Variants in HSD17B6 observed in about 807,000 individuals in gnomAD.
HSD17B6 encodes 17-beta-hydroxysteroid dehydrogenase type 6.
Under a neutral mutation model 26.4 loss-of-function variants are expected in HSD17B6, and 16 were observed. That is an observed-to-expected ratio of 0.61 (90% CI 0.41 to 0.92). The LOEUF is 0.92. HSD17B6 is among the 40% of genes least tolerant of loss of function. The pLI is 0.00. For synonymous variants in HSD17B6, 139 were observed against 153.0 expected, an observed-to-expected ratio of 0.91 and a Z score of 0.68; for missense variants, 357 against 386.1, an observed-to-expected ratio of 0.92 and a Z score of 0.63.
chr12:56,783,266 G>T (rs1412482835), intron 3 of HSD17B6, among the ~76,000 whole-genome samples: 1 of 150,700 alleles, frequency 6.6e-6, no homozygotes, highest in Non-Finnish European at 1.5e-5. Flanking sequence ...CGGGCGGGGG[G>T]CTGACCCCCC....
chr12:56,776,938 C>G (rs1954606602), intron 2 of HSD17B6, among the ~76,000 whole-genome samples: 1 of 152,172 alleles, frequency 6.6e-6, no homozygotes, highest in Non-Finnish European at 1.5e-5. Flanking sequence ...TGAATAAATT[C>G]TCTTTTTAAG....
intron 3 of HSD17B6, 78 bp from the exon 4 acceptor site, chr12:56,784,775 T>G: frequency 7.1e-7 from 1 of 1,405,314 alleles, no homozygotes; most frequent in East Asian, 2.3e-5. Context: ...TTTATAATCT[T>G]TTTTGTTTTG....
At chr12:56,782,376 A>G (rs1954740088) in intron 3 of HSD17B6, 144 bp downstream of exon 3, 1 of 878,124 alleles carries the variant, frequency 1.1e-6, no homozygotes, top group Non-Finnish European at 1.7e-6. Flanking sequence ...TATAGCTAAC[A>G]GGCTCAAATT....
intron 3 of HSD17B6, among the ~76,000 whole-genome samples, chr12:56,784,369 C>A (rs975000536): frequency 1.3e-5 from 2 of 152,210 alleles, no homozygotes; most frequent in East Asian, 1.9e-4. Context: ...CACGCCACTG[C>A]ACTCCAGCCT....
intron 1 of HSD17B6, among the ~76,000 whole-genome samples, chr12:56,765,830 A>G (rs1340181527): frequency 1.3e-5 from 2 of 152,078 alleles, no homozygotes; most frequent in Non-Finnish European, 2.9e-5. Context: ...CTATCCACAA[A>G]ATCAGGGTTG....
intron 2 of HSD17B6, among the ~76,000 whole-genome samples, chr12:56,779,320 TG>T (rs1320376719): frequency 6.6e-6 from 1 of 152,070 alleles, no homozygotes; most frequent in South Asian, 2.1e-4. Context: ...AAAAAAGTTT[TG>T]TAGAGTGGGT....
At chr12:56,781,379 CCTGT>C (rs770497038) in intron 2 of HSD17B6, among the ~76,000 whole-genome samples, 62 of 152,236 alleles carry the variant, frequency 4.1e-4, no homozygotes, top group Middle Eastern at 3.4e-3. Context: ...TACTATTAAA[CCTGT>C]CTAACAAATT....
chr12:56,787,325 C>T lies in HSD17B6; in HGVS notation c.937C>T (p.Pro313Ser). Residue 313 changes from proline (P) to serine (S), a missense_variant, in exon 5 of 5, where the codon CCA becomes TCA. By Grantham distance (74) the Pro-to-Ser change is moderately conservative. Transcript: ENST00000322165. ...DYILTRSWPK[P>S]AQAV ...CATTTTGACTAGATCTTGGCCCAAA[C>T]CAGCCCAGGCAGTCTAAAGAAAACT... 2 of 1,613,186 alleles carry T rather than the reference C, an allele frequency of 1.2e-6. No homozygotes were observed. Among genetic ancestry groups the T allele is most frequent in the East Asian group, 4.5e-5 (2 of 44,886 alleles).
chr12:56,783,089 C>T (rs1290053320), intron 3 of HSD17B6, among the ~76,000 whole-genome samples: 6 of 152,376 alleles, frequency 3.9e-5, no homozygotes, highest in African/African-American at 1.2e-4. Context: ...CTTTTCCCCA[C>T]CTTGCCCCCT....
chr12:56,767,567 A>G (rs1304742864), intron 1 of HSD17B6, among the ~76,000 whole-genome samples: 4 of 146,340 alleles, frequency 2.7e-5, no homozygotes, highest in Admixed American at 2.1e-4. Context: ...ATAATTGCAT[A>G]TACCCTCTAT....
chr12:56,763,549 T>A (rs1389502123), intron 1 of HSD17B6, 135 bp downstream of exon 1: 1 of 151,886 alleles, frequency 6.6e-6, no homozygotes, highest in East Asian at 1.9e-4. Context: ...TCTTAAAAGA[T>A]CCTTCAACTT....
At chr12:56,775,376 C>G (rs543966360) in intron 2 of HSD17B6, among the ~76,000 whole-genome samples, 7 of 152,094 alleles carry the variant, frequency 4.6e-5, no homozygotes, top group Non-Finnish European at 1.0e-4. Context: ...TGCCACCATG[C>G]CTGGCTAATT....
chr12:56,782,315 T>C (rs181132444), intron 3 of HSD17B6, 83 bp downstream of exon 3: 1 of 1,264,314 alleles, frequency 7.9e-7, no homozygotes, highest in Non-Finnish European at 1.1e-6. Context: ...CCTATCTTAT[T>C]TCATCACTCC....
At chr12:56,787,028 T>A in intron 4 of HSD17B6, 97 bp from the exon 5 acceptor site, 2 of 891,194 alleles carry the variant, frequency 2.2e-6, no homozygotes, top group Admixed American at 4.3e-5. Flanking sequence ...ATCATTCTAT[T>A]TTGTAGAAAT....
Position 56,784,913 on chromosome 12 carries a change from G to A in HSD17B6, c.633G>A (p.Thr211=), listed in dbSNP as rs368419060. ...TAGTTGAACCTGGCTACTTCAGAACGGGAATGACAAACATGACACAGTCCT... is the reference window on the plus strand; with the variant it reads ...TAGTTGAACCTGGCTACTTCAGAACAGGAATGACAAACATGACACAGTCCT... ...ISIVEPGYFR[T]GMTNMTQSLE... The change falls in exon 4 of 5, where the codon ACG becomes ACA. Residue 211 remains threonine, a synonymous_variant. Coordinates refer to ENST00000322165, the MANE Select transcript of HSD17B6 (RefSeq NM_003725.4). 18 of 1,613,852 alleles carry A rather than the reference G, an allele frequency of 1.1e-5. No homozygotes were observed. The highest frequency in any genetic ancestry group is 3.3e-5 in the Admixed American group (2 of 59,978).
chr12:56,768,983 A>G (rs1954406914), intron 1 of HSD17B6, among the ~76,000 whole-genome samples: 1 of 149,216 alleles, frequency 6.7e-6, no homozygotes, highest in South Asian at 2.2e-4. Context: ...GCAGTAATAG[A>G]GAGAGACTGA....
intron 4 of HSD17B6, 147 bp downstream of exon 4, chr12:56,785,163 G>A: frequency 1.2e-6 from 1 of 823,954 alleles, no homozygotes; most frequent in Non-Finnish European, 1.8e-6. Context: ...GAGTCCTCAG[G>A]AAACTTATAA....
intron 1 of HSD17B6, among the ~76,000 whole-genome samples, chr12:56,768,536 CT>C (rs994008086): frequency 1.3e-5 from 2 of 152,072 alleles, no homozygotes; most frequent in African/African-American, 4.8e-5. Context: ...CTGGAACCCC[CT>C]GAGATGACAG....
intron 1 of HSD17B6, among the ~76,000 whole-genome samples, chr12:56,767,410 G>A (rs890416260): frequency 2.7e-5 from 4 of 150,830 alleles, no homozygotes; most frequent in African/African-American, 7.3e-5. Flanking sequence ...CCAGCTACTC[G>A]GGAGGCTGAG....
Sources: allele counts gnomAD v4.1 joint callset (sites outside exome capture counted in the v4.1 genomes callset), GRCh38; gene constraint gnomAD v4.1.1; transcripts MANE v1.5; gene names NCBI Gene and HGNC (gene_info 2026-07-23, HGNC 2026-07-21).